Variants in SDK1 observed in about 807,000 individuals in gnomAD.
SDK1 encodes the protein protein sidekick-1.
Under a neutral mutation model 245.5 loss-of-function variants are expected in SDK1, and 157 were observed. The observed-to-expected ratio is 0.64, with a 90% CI of 0.56 to 0.73. The LOEUF is 0.73. Among genes scored for constraint, SDK1 ranks in the 30% least tolerant of loss-of-function variants. SDK1 has a pLI of 0.00. For missense variants in SDK1, 3,583 were observed against 3,002.3 expected (o/e 1.19, Z -4.52); for synonymous variants, 1,647 against 1,278.5 (o/e 1.29, Z -6.15).
chr7:3,705,181 G>A (rs1225960702), intron 4 of SDK1, among the ~76,000 whole-genome samples: 6 of 151,858 alleles, frequency 4.0e-5, no homozygotes, highest in African/African-American at 1.2e-4. Flanking sequence ...GCTCTGTTTT[G>A]TATCCATATG....
chr7:3,462,748 A>G (rs866426006), intron 1 of SDK1, among the ~76,000 whole-genome samples: 2 of 151,812 alleles, frequency 1.3e-5, no homozygotes, highest in Non-Finnish European at 2.9e-5. Flanking sequence ...TCCTCTCTCT[A>G]TTGCCGCCAT....
chr7:4,112,495 T>C (rs370936855), intron 23 of SDK1, among the ~76,000 whole-genome samples: 3 of 152,318 alleles, frequency 2.0e-5, no homozygotes, highest in Admixed American at 6.5e-5. Flanking sequence ...CAGAGTGCCG[T>C]TGATCATTTA....
At chr7:3,446,695 C>G (rs538709169) in intron 1 of SDK1, among the ~76,000 whole-genome samples, 6 of 152,090 alleles carry the variant, frequency 3.9e-5, no homozygotes, top group African/African-American at 1.2e-4. Flanking sequence ...TCAAACAAGA[C>G]AAAATTATTA....
At chr7:4,204,430 C>T (rs780036253) in intron 35 of SDK1, among the ~76,000 whole-genome samples, 6 of 151,840 alleles carry the variant, frequency 4.0e-5, no homozygotes, top group Non-Finnish European at 7.4e-5. Context: ...AGTGATAATA[C>T]GGAAACCACA....
At chr7:3,449,171 A>C (rs1467211668) in intron 1 of SDK1, among the ~76,000 whole-genome samples, 1 of 152,170 alleles carries the variant, frequency 6.6e-6, no homozygotes, top group Non-Finnish European at 1.5e-5. Context: ...TCTCCAAGTA[A>C]AGCTGTGTGT....
chr7:3,706,019 A>T (rs1202379052), intron 4 of SDK1, among the ~76,000 whole-genome samples: 1 of 152,168 alleles, frequency 6.6e-6, no homozygotes, highest in African/African-American at 2.4e-5. Context: ...CATCTATTGA[A>T]ATGATTATAT....
intron 1 of SDK1, chr7:3,338,608 T>G (rs1223213798): frequency 1.5e-5 from 3 of 205,260 alleles, no homozygotes; most frequent in East Asian, 2.2e-4. Flanking sequence ...ATGATAGGTG[T>G]TAAAAACAAA....
chr7:3,979,933 A>G (rs1353026641), intron 13 of SDK1, among the ~76,000 whole-genome samples: 1 of 152,072 alleles, frequency 6.6e-6, no homozygotes, highest in African/African-American at 2.4e-5. Context: ...TACAGAGAAA[A>G]CCCAATTTAC....
chr7:3,787,655 C>A (rs1055266419), intron 4 of SDK1, among the ~76,000 whole-genome samples: 1 of 151,944 alleles, frequency 6.6e-6, no homozygotes, highest in Non-Finnish European at 1.5e-5. Flanking sequence ...TTTCAGCTGG[C>A]CCGAGCCCTA....
chr7:3,843,530 G>C (rs907214725), intron 5 of SDK1, among the ~76,000 whole-genome samples: 5 of 152,150 alleles, frequency 3.3e-5, no homozygotes, highest in South Asian at 2.1e-4. Flanking sequence ...TCCTTCATTA[G>C]TTTTAATTCA....
chr7:3,365,456 A>G (rs1273188192), intron 1 of SDK1, among the ~76,000 whole-genome samples: 1 of 152,174 alleles, frequency 6.6e-6, no homozygotes, highest in Non-Finnish European at 1.5e-5. Context: ...GTTTGTATCA[A>G]TGTTTTCAAT....
At chr7:3,780,095 G>T (rs1206653840) in intron 4 of SDK1, among the ~76,000 whole-genome samples, 1 of 152,196 alleles carries the variant, frequency 6.6e-6, no homozygotes, top group Non-Finnish European at 1.5e-5. Context: ...TCAACACTTG[G>T]AAACGAGCCT....
intron 25 of SDK1, among the ~76,000 whole-genome samples, chr7:4,116,497 T>G (rs1416986854): frequency 1.3e-5 from 2 of 152,190 alleles, no homozygotes; most frequent in Non-Finnish European, 2.9e-5. Context: ...TCATCCTTTC[T>G]TGCTCATTCC....
chr7:3,571,956 T>C (rs1392598254), intron 1 of SDK1, among the ~76,000 whole-genome samples: 1 of 152,154 alleles, frequency 6.6e-6, no homozygotes, highest in Non-Finnish European at 1.5e-5. Flanking sequence ...CTTACCTAAG[T>C]TACTTACTTG....
chr7:3,464,059 A>G (rs1780914144), intron 1 of SDK1, among the ~76,000 whole-genome samples: 1 of 152,208 alleles, frequency 6.6e-6, no homozygotes, highest in African/African-American at 2.4e-5. Context: ...AAATCGTTGT[A>G]TATTTTTACT....
chr7:4,106,497 C>T (rs1782919911), intron 22 of SDK1, among the ~76,000 whole-genome samples: 1 of 152,004 alleles, frequency 6.6e-6, no homozygotes, highest in African/African-American at 2.4e-5. Flanking sequence ...AGGGTTTCAC[C>T]ATGTTGGCCA....
At chr7:4,024,903 G>T (rs1212667684) in intron 17 of SDK1, among the ~76,000 whole-genome samples, 1 of 151,872 alleles carries the variant, frequency 6.6e-6, no homozygotes, top group East Asian at 1.9e-4. Flanking sequence ...GCCGCATTAT[G>T]TGGAATAGAA....
chr7:3,587,806 TG>T (rs1435765452), intron 1 of SDK1, among the ~76,000 whole-genome samples: 1 of 152,220 alleles, frequency 6.6e-6, no homozygotes, highest in Non-Finnish European at 1.5e-5. Context: ...TAGCTTTCCA[TG>T]GGTAGACATC....
intron 1 of SDK1, among the ~76,000 whole-genome samples, chr7:3,490,631 G>T (rs1002992010): frequency 6.6e-6 from 1 of 152,210 alleles, no homozygotes; most frequent in African/African-American, 2.4e-5. Flanking sequence ...ATGAACACAT[G>T]AAGACCTGCA....
Sources: gnomAD v4.1 joint callset for allele counts (sites outside exome capture counted in the v4.1 genomes callset) on GRCh38, gnomAD v4.1.1 for gene constraint, MANE v1.5 for transcripts, NCBI Gene and HGNC (gene_info 2026-07-23, HGNC 2026-07-21) for gene names.